Variants in MAN2B2 observed in about 807,000 individuals in gnomAD.
MAN2B2 encodes the protein epididymis-specific alpha-mannosidase.
In MAN2B2, 106 loss-of-function variants were observed where a neutral mutation model predicts 117.1. The observed-to-expected ratio is 0.90, with a 90% CI of 0.77 to 1.06. The LOEUF (loss-of-function observed/expected upper bound fraction) is 1.06, where lower values mean the gene tolerates loss of function less well. MAN2B2 is among the 50% of genes least tolerant of loss of function. The probability of loss-of-function intolerance (pLI) is 0.00; values close to 1 mark genes in which losing one functional copy is unlikely to be tolerated. For synonymous variants in MAN2B2, 544 were observed against 595.1 expected (o/e 0.91, Z 1.25); for missense variants, 1,326 against 1,381.4 (o/e 0.96, Z 0.64).
At chr4:6,601,918 T>A (rs924091545) in intron 10 of MAN2B2, among the ~76,000 whole-genome samples, 1 of 152,160 alleles carries the variant, frequency 6.6e-6, no homozygotes, top group Non-Finnish European at 1.5e-5. Context: ...AGTCTGCCCT[T>A]GTAGGAAGAC....
At chr4:6,584,496 C>T (rs932854071) in intron 3 of MAN2B2, among the ~76,000 whole-genome samples, 23 of 152,196 alleles carry the variant, frequency 1.5e-4, no homozygotes, top group African/African-American at 5.3e-4. Context: ...TCAGGAAGTA[C>T]TAGACTGTGA....
intron 5 of MAN2B2, among the ~76,000 whole-genome samples, chr4:6,591,897 C>T (rs1474883646): frequency 6.6e-6 from 1 of 152,208 alleles, no homozygotes; most frequent in Non-Finnish European, 1.5e-5. Context: ...CCTGTGATAC[C>T]TCACAGACCC....
At chr4:6,617,001 G>A (rs1711908987) in intron 16 of MAN2B2, among the ~76,000 whole-genome samples, 1 of 152,214 alleles carries the variant, frequency 6.6e-6, no homozygotes, top group Admixed American at 6.5e-5. Flanking sequence ...CACCTGGATA[G>A]GGAGGCCTCA....
At chr4:6,577,111 C>T (rs187952742) in intron 2 of MAN2B2, among the ~76,000 whole-genome samples, 1 of 152,200 alleles carries the variant, frequency 6.6e-6, no homozygotes, top group Admixed American at 6.5e-5. Context: ...GTCTGGTGAC[C>T]CTTGATGAGG....
intron 7 of MAN2B2, among the ~76,000 whole-genome samples, chr4:6,595,304 T>C (rs1480629169): frequency 6.6e-6 from 1 of 152,210 alleles, no homozygotes; most frequent in African/African-American, 2.4e-5. Context: ...TGGTGCCTCG[T>C]GCATAGATAG....
At chr4:6,577,273 T>C (rs1474086149) in intron 2 of MAN2B2, among the ~76,000 whole-genome samples, 1 of 152,180 alleles carries the variant, frequency 6.6e-6, no homozygotes, top group Non-Finnish European at 1.5e-5. Flanking sequence ...CAGATTCCAC[T>C]TCTATTAAAC....
chr4:6,591,369 A>G (rs1430285879), intron 5 of MAN2B2, among the ~76,000 whole-genome samples: 1 of 152,220 alleles, frequency 6.6e-6, no homozygotes, highest in South Asian at 2.1e-4. Flanking sequence ...TGTTTATCAC[A>G]TACAATCACA....
chr4:6,611,248 A>T lies in MAN2B2; in HGVS notation c.2533A>T (p.Arg845Trp), dbSNP rs1021533010. ...GAGGAGCGCACTGGCGCTGCAGCAC[A>T]GGCCCGTGGTGCTGTTCGGAGACCT... ...RQRSALALQHRPVVLFGDLAG... is the reference protein window; with the variant it reads ...RQRSALALQHWPVVLFGDLAG... Residue 845 changes from arginine (R) to tryptophan (W), a missense_variant, in exon 15 of 19, where the codon AGG becomes TGG. Arg to Trp is a moderately radical substitution (Grantham distance 101). Transcript: ENST00000285599. 1 of 1,611,468 alleles carries T rather than the reference A, an allele frequency of 6.2e-7. No homozygotes were observed. The highest frequency in any genetic ancestry group is 2.2e-5 in the East Asian group (1 of 44,842).
rs1711943895 is a variant in MAN2B2, at chr4:6,617,495, G to A, written c.2814+3G>A. On this transcript the variant is annotated splice_donor_region_variant and intron_variant, in intron 17 of 18. Transcript: ENST00000285599. ...AGCCAGTGACAGTGAATCTGGAGGT[G>A]AACTTCCCCACCCCCATCCAGACCA... is the stretch of plus-strand genomic sequence containing the variant. 1 of 1,614,004 alleles carries A rather than the reference G, an allele frequency of 6.2e-7. No individual in the cohort carries two copies. The highest frequency in any genetic ancestry group is 8.5e-7 in the Non-Finnish European group (1 of 1,179,952).
intron 8 of MAN2B2, 126 bp from the exon 9 acceptor site, chr4:6,598,072 A>G (rs1577284379): frequency 4.3e-5 from 43 of 1,001,416 alleles, no homozygotes; most frequent in Non-Finnish European, 5.3e-5. Context: ...AATGGCGGGG[A>G]CTGCCCCCTT....
At chr4:6,598,158 T>A (rs1370825866) in intron 8 of MAN2B2, 40 bp from the exon 9 acceptor site, 1 of 1,602,894 alleles carries the variant, frequency 6.2e-7, no homozygotes, top group Non-Finnish European at 8.5e-7. Flanking sequence ...CAGAGTCAGG[T>A]CCTGATCCTG....
intron 15 of MAN2B2, among the ~76,000 whole-genome samples, chr4:6,611,641 C>T (rs566007095): frequency 6.6e-6 from 1 of 152,220 alleles, no homozygotes; most frequent in Admixed American, 6.5e-5. Flanking sequence ...GGTTTGTTAG[C>T]TGGGCATGGT....
intron 7 of MAN2B2, among the ~76,000 whole-genome samples, chr4:6,595,934 G>A (rs1727059927): frequency 6.6e-6 from 1 of 152,210 alleles, no homozygotes; most frequent in African/African-American, 2.4e-5. Context: ...TTGGAGGCAG[G>A]TGGGGCTGCA....
Position 6,609,312 on chromosome 4 carries a change from G to T in MAN2B2, c.2006+14G>T. On this transcript the variant is annotated intron_variant, in intron 12 of 18. Transcript: ENST00000285599. ...GTACTTCTACAGGTGCTTCCCCTGG[G>T]GTGACCCCCACAGCCCGGCACACAG... The T allele has an allele frequency of 1.2e-6, 2 of 1,610,942 alleles. No homozygotes were observed. Among genetic ancestry groups the T allele is most frequent in the South Asian group, 1.1e-5 (1 of 90,854 alleles).
At chr4:6,615,270 G>A (rs762628896) in intron 16 of MAN2B2, among the ~76,000 whole-genome samples, 13 of 151,902 alleles carry the variant, frequency 8.6e-5, no homozygotes, top group Admixed American at 2.6e-4. Context: ...TCATGGTGGC[G>A]TGTGCCTGAG....
intron 4 of MAN2B2, 102 bp from the exon 5 acceptor site, chr4:6,588,943 C>T (rs1726750789): frequency 2.6e-6 from 2 of 779,208 alleles, no homozygotes. Context: ...TGAGGGAGGG[C>T]CAAGGTGAGG....
chr4:6,606,880 C>G (rs1254673897), intron 11 of MAN2B2, among the ~76,000 whole-genome samples: 1 of 152,208 alleles, frequency 6.6e-6, no homozygotes, highest in South Asian at 2.1e-4. Flanking sequence ...ACACCAACCC[C>G]AGGGCAGTGT....
chr4:6,594,468 G>T, intron 6 of MAN2B2, 66 bp from the exon 7 acceptor site: 1 of 1,522,490 alleles, frequency 6.6e-7, no homozygotes, highest in East Asian at 2.3e-5. Flanking sequence ...GGCAGCGATC[G>T]GCCCACCCCC....
intron 10 of MAN2B2, among the ~76,000 whole-genome samples, chr4:6,600,974 T>C (rs930437187): frequency 1.3e-5 from 2 of 152,098 alleles, no homozygotes; most frequent in African/African-American, 2.4e-5. Flanking sequence ...AATCAATTCA[T>C]TCCTGAATTG....
Sources: allele counts gnomAD v4.1 joint callset (sites outside exome capture counted in the v4.1 genomes callset), GRCh38; gene constraint gnomAD v4.1.1; transcripts MANE v1.5; gene names NCBI Gene and HGNC (gene_info 2026-07-23, HGNC 2026-07-21).